Variants in SCN11A observed in about 807,000 individuals in gnomAD.
SCN11A encodes sodium channel protein type 11 subunit alpha.
Under a neutral mutation model 162.2 loss-of-function variants are expected in SCN11A, and 122 were observed. The ratio of observed to expected loss-of-function variants is 0.75; its 90% confidence interval spans 0.65 to 0.87. The LOEUF (loss-of-function observed/expected upper bound fraction) is 0.87, where lower values mean the gene tolerates loss of function less well. Ranked by LOEUF, SCN11A falls within the 40% of genes least tolerant of loss-of-function variation. The pLI is 0.00. For synonymous variants in SCN11A, 758 were observed against 751.5 expected (o/e 1.01, Z -0.14); for missense variants, 2,015 against 2,181.6 (o/e 0.92, Z 1.52).
At chr3:39,009,426 A>C (rs1159861548) in intron 2 of SCN11A, among the ~76,000 whole-genome samples, 1 of 151,324 alleles carries the variant, frequency 6.6e-6, no homozygotes, top group Admixed American at 6.6e-5. Context: ...ATATATATAC[A>C]TATATATATA....
chr3:38,935,386 C>T (rs2066313835), intron 7 of SCN11A, among the ~76,000 whole-genome samples: 1 of 152,044 alleles, frequency 6.6e-6, no homozygotes, highest in Admixed American at 6.6e-5. Flanking sequence ...CAGAGCAGAA[C>T]TGAAGGAAAT....
intron 19 of SCN11A, among the ~76,000 whole-genome samples, chr3:38,889,741 A>AAT (rs2065463703): frequency 6.6e-6 from 1 of 151,788 alleles, no homozygotes; most frequent in African/African-American, 2.4e-5. Flanking sequence ...CAGAGCTTGC[A>AAT]GTGAGCGGAG....
In SCN11A at chr3:38,922,944, G is replaced by A. The variant is rs112630211; in HGVS notation, c.713-1689C>T. ...AGAAAAGAAGGGAAGGGGAGAAGGT[G>A]GGGGGAAAGGAGTCCAGAGAGGGAA... On this transcript the variant is annotated intron_variant, in intron 9 of 29. Coordinates refer to ENST00000302328, the MANE Select transcript of SCN11A (RefSeq NM_001349253.2). Among the ~76,000 whole-genome samples, 6 of 152,148 alleles carry A rather than the reference G, an allele frequency of 3.9e-5. No homozygotes were observed. The East Asian group carries it at 1.2e-3, about 29-fold the overall frequency.
chr3:38,902,909 C>T (rs1444762340), intron 16 of SCN11A, among the ~76,000 whole-genome samples: 6 of 151,056 alleles, frequency 4.0e-5, no homozygotes, highest in African/African-American at 1.5e-4. Flanking sequence ...GAAAAAATAA[C>T]ACTAAATAAA....
At position 38,880,107 on chromosome 3, in the gene SCN11A, T is replaced by C. The variant is rs1296585130; in HGVS notation, c.3236A>G (p.His1079Arg). The change falls in exon 23 of 30, where the codon CAC becomes CGC. Residue 1079 changes from histidine (H) to arginine (R), a missense_variant. His to Arg is a conservative substitution (Grantham distance 29). Coordinates refer to ENST00000302328, the MANE Select transcript of SCN11A (RefSeq NM_001349253.2). ...TTGGATTTTGGGTTGGTTCTCAAGG[T>C]GAACATCTTCAAATATCTGAAATGA... ...SSGALIFEDV[H>R]LENQPKIQEL... 2 of 1,608,364 alleles carry C rather than the reference T, an allele frequency of 1.2e-6. No homozygotes were observed. The highest frequency in any genetic ancestry group is 1.1e-5 in the South Asian group (1 of 90,568).
intron 14 of SCN11A, 110 bp downstream of exon 14, chr3:38,907,839 G>A: frequency 1.1e-6 from 1 of 933,082 alleles, no homozygotes; most frequent in Non-Finnish European, 1.6e-6. Flanking sequence ...GCAAATGGAT[G>A]AATGAATAAA....
At chr3:38,858,804 C>T (rs1372278864) in intron 28 of SCN11A, among the ~76,000 whole-genome samples, 2 of 151,814 alleles carry the variant, frequency 1.3e-5, no homozygotes, top group African/African-American at 4.8e-5. Context: ...TTAAGAAAAT[C>T]GAAATCATAT....
At chr3:38,901,520 A>T (rs2065698636) in intron 16 of SCN11A, among the ~76,000 whole-genome samples, 1 of 152,206 alleles carries the variant, frequency 6.6e-6, no homozygotes, top group African/African-American at 2.4e-5. Flanking sequence ...TTGTCAATTC[A>T]ATCCAACTTT....
intron 7 of SCN11A, among the ~76,000 whole-genome samples, chr3:38,938,560 T>A (rs1243652551): frequency 4.9e-4 from 30 of 60,854 alleles, no homozygotes; most frequent in African/African-American, 1.4e-3. Flanking sequence ...ATTTTTTTTT[T>A]TTTTTTTTTT....
At chr3:38,955,324 G>C (rs1390183343) in intron 3 of SCN11A, among the ~76,000 whole-genome samples, 1 of 152,090 alleles carries the variant, frequency 6.6e-6, no homozygotes, top group African/African-American at 2.4e-5. Context: ...TGCAAAAATT[G>C]ACCCAGGAAA....
chr3:38,903,160 T>C (rs1004992853), intron 16 of SCN11A, among the ~76,000 whole-genome samples: 3 of 152,222 alleles, frequency 2.0e-5, no homozygotes, highest in Non-Finnish European at 4.4e-5. Flanking sequence ...CATTAATCCA[T>C]CAGCTAATTA....
intron 1 of SCN11A, among the ~76,000 whole-genome samples, chr3:39,047,957 C>G (rs1170978994): frequency 6.6e-6 from 1 of 152,158 alleles, no homozygotes; most frequent in Admixed American, 6.5e-5. Context: ...TTATGGAAAA[C>G]AGTGTGTAGA....
chr3:38,905,617 T>C (rs1444859132), intron 14 of SCN11A, among the ~76,000 whole-genome samples: 1 of 152,168 alleles, frequency 6.6e-6, no homozygotes, highest in Non-Finnish European at 1.5e-5. Flanking sequence ...GCAAACAAAA[T>C]TTTACAAAAA....
Position 39,001,428 on chromosome 3 carries a change from T to C in SCN11A, c.-280+30952A>G, listed in dbSNP as rs537097945. Among the ~76,000 whole-genome samples the C allele has an allele frequency of 4.6e-5, 7 of 152,368 alleles. No individual in the cohort carries two copies. In the South Asian group the frequency reaches 1.2e-3, roughly 27 times the overall value. Reference sequence around the variant, plus strand: ...AGCAAAATGTTTCTTTTCCAAGGTTTATGCATGTTGTAGCATGTATCAGTA... The same window carrying C: ...AGCAAAATGTTTCTTTTCCAAGGTTCATGCATGTTGTAGCATGTATCAGTA... On this transcript the variant is annotated intron_variant, in intron 2 of 29. Coordinates refer to ENST00000302328, the MANE Select transcript of SCN11A (RefSeq NM_001349253.2).
chr3:38,858,013 C>T (rs1466503159), intron 28 of SCN11A, among the ~76,000 whole-genome samples: 3 of 152,122 alleles, frequency 2.0e-5, no homozygotes, highest in Admixed American at 2.0e-4. Flanking sequence ...AATTATGAAA[C>T]AAACCTTGAA....
At chr3:38,863,925 G>A (rs922245223) in intron 27 of SCN11A, among the ~76,000 whole-genome samples, 2 of 151,994 alleles carry the variant, frequency 1.3e-5, no homozygotes, top group African/African-American at 4.8e-5. Flanking sequence ...AAAAAATTGG[G>A]GGTCTGAAAA....
chr3:39,048,493 T>C (rs539185186), intron 1 of SCN11A, among the ~76,000 whole-genome samples: 1 of 152,308 alleles, frequency 6.6e-6, no homozygotes, highest in East Asian at 1.9e-4. Context: ...ATTTATTCCA[T>C]ATTTTCAAAT....
chr3:38,950,804 T>C (rs1260588544), intron 4 of SCN11A, among the ~76,000 whole-genome samples: 2 of 152,104 alleles, frequency 1.3e-5, no homozygotes, highest in Non-Finnish European at 2.9e-5. Context: ...TGGGCCATAG[T>C]TATGGATTGC....
intron 2 of SCN11A, among the ~76,000 whole-genome samples, chr3:38,987,358 C>T (rs2030293994): frequency 6.8e-6 from 1 of 147,506 alleles, no homozygotes; most frequent in Admixed American, 6.7e-5. Flanking sequence ...CTGTCCTTTA[C>T]AGGATTCACT....
Sources: allele counts gnomAD v4.1 joint callset (sites outside exome capture counted in the v4.1 genomes callset), GRCh38; gene constraint gnomAD v4.1.1; transcripts MANE v1.5; gene names NCBI Gene and HGNC (gene_info 2026-07-23, HGNC 2026-07-21).